Variants in CERKL observed in about 807,000 individuals in gnomAD.
The protein encoded by CERKL is ceramide kinase-like protein.
Under a neutral mutation model 63.4 loss-of-function variants are expected in CERKL, and 61 were observed. That is an observed-to-expected ratio of 0.96 (90% confidence interval 0.78 to 1.19). The LOEUF is 1.19. Among genes scored for constraint, CERKL ranks in the 50% most tolerant of loss-of-function variants. The pLI is 0.00. For synonymous variants in CERKL, 250 were observed against 230.5 expected (o/e 1.08, Z -0.77); for missense variants, 675 against 655.5 (o/e 1.03, Z -0.33).
At chr2:181,622,608 A>T (rs372409845) in intron 1 of CERKL, among the ~76,000 whole-genome samples, 2 of 152,172 alleles carry the variant, frequency 1.3e-5, no homozygotes, top group African/African-American at 4.8e-5. Context: ...CATCCATTCT[A>T]TCTAATCTTG....
intron 12 of CERKL, 61 bp downstream of exon 12, chr2:181,539,031 C>G: frequency 8.2e-7 from 1 of 1,221,436 alleles, no homozygotes; most frequent in Non-Finnish European, 1.2e-6. Flanking sequence ...AGAGAGCTTT[C>G]GTTGTAATAT....
At chr2:181,574,071 A>T (rs1689022523) in intron 2 of CERKL, among the ~76,000 whole-genome samples, 187 bp from the exon 3 acceptor site, 1 of 152,210 alleles carries the variant, frequency 6.6e-6, no homozygotes, top group African/African-American at 2.4e-5. Flanking sequence ...CTAGCTGTGA[A>T]ATAGGTATAT....
At chr2:181,538,621 T>C (rs1005538893) in intron 12 of CERKL, among the ~76,000 whole-genome samples, 1 of 152,072 alleles carries the variant, frequency 6.6e-6, no homozygotes, top group East Asian at 1.9e-4. Flanking sequence ...CTATGTAAAA[T>C]TGTTCCCAAG....
chr2:181,555,799 C>T (rs891895484), intron 5 of CERKL, among the ~76,000 whole-genome samples: 1 of 144,000 alleles, frequency 6.9e-6, no homozygotes, highest in Non-Finnish European at 1.5e-5. Flanking sequence ...GTCGCCCAGG[C>T]TGGAGTACAG....
chr2:181,619,833 G>A (rs1485089504), intron 1 of CERKL, among the ~76,000 whole-genome samples: 1 of 152,154 alleles, frequency 6.6e-6, no homozygotes, highest in African/African-American at 2.4e-5. Flanking sequence ...ACTTACCAGA[G>A]GGTGAAGGTT....
intron 11 of CERKL, among the ~76,000 whole-genome samples, chr2:181,539,686 T>G (rs2105788431): frequency 6.6e-6 from 1 of 152,312 alleles, no homozygotes; most frequent in South Asian, 2.1e-4. Flanking sequence ...AACGCAAGTC[T>G]AAACTTCTGA....
intron 2 of CERKL, among the ~76,000 whole-genome samples, chr2:181,585,185 C>T (rs1009835064): frequency 6.6e-6 from 1 of 151,846 alleles, no homozygotes; most frequent in African/African-American, 2.4e-5. Context: ...TTTTTGAATT[C>T]CCCCTCTACC....
At chr2:181,549,142 G>C (rs183115991) in intron 6 of CERKL, among the ~76,000 whole-genome samples, 24 of 152,240 alleles carry the variant, frequency 1.6e-4, no homozygotes, top group African/African-American at 5.8e-4. Flanking sequence ...GATAGGCAAG[G>C]TAAACACAGA....
At position 181,656,818 on chromosome 2, in the gene CERKL, C is replaced by G; in HGVS notation, c.189G>C (p.Leu63=). The part of the protein sequence containing the change: ...EIGRDSCDVV[L]SERALRWRPI... The stretch of plus-strand genomic sequence containing the variant: ...GCCGCCACCGCAGTGCTCGCTCGCT[C>G]AGCACCACGTCACAACTGTCCCTCC... The change falls in exon 1 of 13, where the codon CTG becomes CTC. Residue 63 remains leucine (L), a synonymous_variant. Transcript: ENST00000410087. 6.3e-7 allele frequency: 1 copy of G among 1,598,342 alleles called. No homozygotes were observed. The highest frequency in any genetic ancestry group is 8.5e-7 in the Non-Finnish European group (1 of 1,169,744).
chr2:181,553,131 G>C (rs1199114857), intron 5 of CERKL, among the ~76,000 whole-genome samples: 4 of 152,200 alleles, frequency 2.6e-5, no homozygotes, highest in Admixed American at 6.6e-5. Flanking sequence ...AGTTCACAAG[G>C]TGAGTCTATG....
chr2:181,556,677 T>C (rs574920448), intron 5 of CERKL, among the ~76,000 whole-genome samples: 1 of 152,216 alleles, frequency 6.6e-6, no homozygotes, highest in Non-Finnish European at 1.5e-5. Flanking sequence ...AAGTCTTTGC[T>C]ATTGTGAGTA....
At position 181,537,261 on chromosome 2, in the gene CERKL, CCTACTCAGAA is replaced by C. The variant is rs537519603; in HGVS notation, c.*913_*922del. The C allele has an allele frequency of 2.5e-4, 114 of 453,706 alleles. No homozygotes were observed. Among genetic ancestry groups the C allele is most frequent in the Middle Eastern group, 1.4e-3 (2 of 1,466 alleles). 28.1% of individuals were successfully genotyped at this position (453,706 alleles called of 1,614,324 possible). A position where few individuals can be genotyped will look rare whatever the true frequency, so the allele number is the denominator to read the frequency against. Reference sequence around the variant, plus strand: ...TAAGGAAATTTACATTTGGTTCTTTCCTACTCAGAACTACTCAGAAACAACTATATATTTC... The same window carrying C: ...TAAGGAAATTTACATTTGGTTCTTTCCTACTCAGAAACAACTATATATTTC... On this transcript the variant is annotated 3_prime_UTR_variant, in exon 13 of 13. Coordinates refer to ENST00000410087, the MANE Select transcript of CERKL (RefSeq NM_201548.5).
intron 2 of CERKL, among the ~76,000 whole-genome samples, chr2:181,576,167 G>A (rs1379940741): frequency 6.6e-6 from 1 of 152,082 alleles, no homozygotes; most frequent in Non-Finnish European, 1.5e-5. Flanking sequence ...CTGTTCTATA[G>A]GATAATATTA....
intron 3 of CERKL, among the ~76,000 whole-genome samples, chr2:181,573,058 C>T (rs1368386651): frequency 6.6e-6 from 1 of 151,948 alleles, no homozygotes; most frequent in Non-Finnish European, 1.5e-5. Flanking sequence ...AGAAATAAAG[C>T]TAGGAAGGTT....
At chr2:181,540,946 G>A (rs980615363) in intron 11 of CERKL, among the ~76,000 whole-genome samples, 2 of 152,206 alleles carry the variant, frequency 1.3e-5, no homozygotes, top group African/African-American at 4.8e-5. Context: ...TTAGCCTGGA[G>A]AAGAAAGTCT....
At position 181,537,135 on chromosome 2, in the gene CERKL, GTA is replaced by G; in HGVS notation, c.*1047_*1048del. The G allele has an allele frequency of 2.2e-6, 1 of 453,460 alleles. No individual in the cohort carries two copies. Among genetic ancestry groups the G allele is most frequent in the Non-Finnish European group, 4.4e-6 (1 of 226,584 alleles). The allele number at this position is 453,460 out of a possible 1,614,324, so 28.1% of individuals were successfully genotyped here. On this transcript the variant is annotated 3_prime_UTR_variant, in exon 13 of 13. Coordinates refer to ENST00000410087, the MANE Select transcript of CERKL (RefSeq NM_201548.5). The stretch of plus-strand genomic sequence containing the variant: ...CATTTATGTATTTTTAAAAAACTTT[GTA>G]TCGTTATAAAAAGGCTAGTCATTCT...
At chr2:181,625,181 CTG>C (rs1227368373) in intron 1 of CERKL, among the ~76,000 whole-genome samples, 1 of 152,120 alleles carries the variant, frequency 6.6e-6, no homozygotes, top group African/African-American at 2.4e-5. Flanking sequence ...GTGAAGAAAG[CTG>C]TATCAAGGAG....
At chr2:181,559,462 T>G (rs985417282) in intron 4 of CERKL, among the ~76,000 whole-genome samples, 1 of 152,150 alleles carries the variant, frequency 6.6e-6, no homozygotes, top group Admixed American at 6.6e-5. Flanking sequence ...GAAAGTGGAT[T>G]TTGCCTCAGT....
At chr2:181,629,278 G>A (rs1237576073) in intron 1 of CERKL, among the ~76,000 whole-genome samples, 1 of 152,104 alleles carries the variant, frequency 6.6e-6, no homozygotes, top group African/African-American at 2.4e-5. Context: ...TAATATTGGT[G>A]CCCTCTTTTC....
Sources: gnomAD v4.1 joint callset for allele counts (sites outside exome capture counted in the v4.1 genomes callset) on GRCh38, gnomAD v4.1.1 for gene constraint, MANE v1.5 for transcripts, NCBI Gene and HGNC (gene_info 2026-07-23, HGNC 2026-07-21) for gene names.